Variants in CNOT1 observed in about 807,000 individuals in gnomAD.
The protein encoded by CNOT1 is CCR4-associated factor 1.
Under a neutral mutation model 273.8 loss-of-function variants are expected in CNOT1, and 15 were observed. The ratio of observed to expected loss-of-function variants is 0.05; its 90% CI spans 0.04 to 0.08. The LOEUF (loss-of-function observed/expected upper bound fraction) is 0.08, where lower values mean the gene tolerates loss of function less well. Among genes scored for constraint, CNOT1 ranks in the 10% least tolerant of loss-of-function variants. The pLI, the probability that CNOT1 is intolerant of heterozygous loss-of-function variation, is 1.00. For missense variants in CNOT1, 1,644 were observed against 2,912.2 expected, an observed-to-expected ratio of 0.56 and a Z score of 10.02; for synonymous variants, 1,022 against 1,005.5, an observed-to-expected ratio of 1.02 and a Z score of -0.31.
At chr16:58,575,736 T>C (rs1363788278) in intron 14 of CNOT1, among the ~76,000 whole-genome samples, 3 of 152,032 alleles carry the variant, frequency 2.0e-5, no homozygotes, top group Non-Finnish European at 4.4e-5. Context: ...GAGGCAGAGA[T>C]TGCAGTGAGC....
chr16:58,528,782 G>C, intron 43 of CNOT1, 134 bp from the exon 44 acceptor site: 1 of 580,744 alleles, frequency 1.7e-6, no homozygotes, highest in Non-Finnish European at 3.0e-6. Context: ...AAAGTTTTAG[G>C]CTTTAATTAA....
intron 21 of CNOT1, among the ~76,000 whole-genome samples, chr16:58,554,766 T>C (rs939269043): frequency 6.6e-6 from 1 of 151,204 alleles, no homozygotes; most frequent in Admixed American, 6.6e-5. Context: ...TGGAACCCTG[T>C]CTCTACTAAA....
In CNOT1 at chr16:58,536,873, G is replaced by A. The variant is rs925027935; in HGVS notation, c.5646+116C>T. 25 of 1,443,112 alleles carry A rather than the reference G, an allele frequency of 1.7e-5. No individual in the cohort carries two copies. The African/African-American group carries it at 1.9e-4, about 11-fold the overall frequency. 89.4% of individuals were successfully genotyped at this position (1,443,112 alleles called of 1,614,324 possible). A position where few individuals can be genotyped will look rare whatever the true frequency, so the allele number is the denominator to read the frequency against. ...CATATAATGATGACAGTTTGGGTTT[G>A]CATGAGTATGGAGGTAACTGTCTGA... On this transcript the variant is annotated intron_variant, in intron 39 of 48. Transcript: ENST00000317147.
At chr16:58,550,434 T>G (rs1345735832) in intron 24 of CNOT1, among the ~76,000 whole-genome samples, 1 of 152,226 alleles carries the variant, frequency 6.6e-6, no homozygotes, top group African/African-American at 2.4e-5. Context: ...AAATATAAAG[T>G]TAAAGACCTG....
chr16:58,584,632 T>C (rs1362867181), intron 8 of CNOT1, among the ~76,000 whole-genome samples: 2 of 150,300 alleles, frequency 1.3e-5, no homozygotes, highest in African/African-American at 5.0e-5. Flanking sequence ...GTGCCCAGCC[T>C]GCATCCTAAC....
Position 58,574,011 on chromosome 16 carries a change from G to A in CNOT1, c.1979+598C>T, listed in dbSNP as rs533286267. Among the ~76,000 whole-genome samples, 9 of 152,146 alleles carry A rather than the reference G, an allele frequency of 5.9e-5. No individual in the cohort carries two copies. The South Asian group carries it at 1.9e-3, about 32-fold the overall frequency. On this transcript the variant is annotated intron_variant, in intron 16 of 48. Transcript: ENST00000317147. The stretch of plus-strand genomic sequence containing the variant: ...CACACCTGTAATCCCAGCACTTTGG[G>A]AGGCTGTGGCAGGAGGATCACTTGA...
chr16:58,584,361 C>T (rs563563921), intron 8 of CNOT1, among the ~76,000 whole-genome samples: 7 of 151,856 alleles, frequency 4.6e-5, no homozygotes, highest in Non-Finnish European at 5.9e-5. Context: ...GACGAAGTCT[C>T]GCTTTGTTGC....
At position 58,535,429 on chromosome 16, in the gene CNOT1, A is replaced by T. The variant is rs572556829; in HGVS notation, c.5647-1034T>A. Among the ~76,000 whole-genome samples, 15 of 152,344 alleles carry T rather than the reference A, an allele frequency of 9.8e-5. No homozygotes were observed. In the East Asian group the frequency reaches 2.9e-3, roughly 29 times the overall value. ...CAAGAAGGAAAGAATTTTCAAAAGG[A>T]TACAAAACAGCACAGAAAAGTATAA... On this transcript the variant is annotated intron_variant, in intron 39 of 48. Transcript: ENST00000317147.
chr16:58,550,593 A>T (rs1039141502), intron 24 of CNOT1, among the ~76,000 whole-genome samples: 4 of 152,134 alleles, frequency 2.6e-5, no homozygotes, highest in African/African-American at 9.7e-5. Flanking sequence ...GATAGGTGTT[A>T]ATCAACTATT....
chr16:58,526,997 T>G (rs570342230), intron 44 of CNOT1, among the ~76,000 whole-genome samples: 1 of 151,834 alleles, frequency 6.6e-6, no homozygotes, highest in African/African-American at 2.4e-5. Flanking sequence ...CACCTGTGAA[T>G]AGTCACTGCC....
chr16:58,627,852 C>T (rs999616703), intron 1 of CNOT1, among the ~76,000 whole-genome samples: 3 of 151,922 alleles, frequency 2.0e-5, no homozygotes, highest in African/African-American at 7.3e-5. Context: ...TTTTTTGAGA[C>T]GGAGTCTCCC....
intron 42 of CNOT1, 80 bp downstream of exon 42, chr16:58,531,878 A>G: frequency 2.0e-6 from 3 of 1,497,496 alleles, no homozygotes; most frequent in Non-Finnish European, 2.7e-6. Context: ...TAAATGACTA[A>G]TAGAAATCTA....
At chr16:58,588,378 C>T (rs2041946342) in intron 3 of CNOT1, among the ~76,000 whole-genome samples, 1 of 152,024 alleles carries the variant, frequency 6.6e-6, no homozygotes, top group Non-Finnish European at 1.5e-5. Flanking sequence ...AAACTCATTA[C>T]ACTACTCAAA....
chr16:58,574,462 T>C (rs2041392898), intron 16 of CNOT1, 147 bp downstream of exon 16: 4 of 630,232 alleles, frequency 6.3e-6, no homozygotes, highest in Non-Finnish European at 9.7e-6. Flanking sequence ...ATCTAGTATG[T>C]ATCATAAATA....
At position 58,619,382 on chromosome 16, in the gene CNOT1, T is replaced by C. The variant is rs190979973; in HGVS notation, c.-175+10346A>G. Among the ~76,000 whole-genome samples the C allele has an allele frequency of 4.0e-3, 603 of 151,644 alleles. 3 individuals are homozygous for C. Among genetic ancestry groups the C allele is most frequent in the African/African-American group, 0.014 (562 of 40,994 alleles). On this transcript the variant is annotated intron_variant, in intron 1 of 48. Transcript: ENST00000317147. ...AATTTATTATTATTACACTGACCAT[T>C]AATTGTAAAAGAGCATCTTTTGGTC...
Position 58,541,745 on chromosome 16 carries a change from T to C in CNOT1, c.4681-125A>G, listed in dbSNP as rs2040100788. The C allele has an allele frequency of 4.7e-6, 4 of 858,084 alleles. No homozygotes were observed. In the South Asian group the frequency reaches 6.9e-5, roughly 15 times the overall value. The allele number at this position is 858,084 out of a possible 1,614,324, so 53.2% of individuals were successfully genotyped here. A position where few individuals can be genotyped will look rare whatever the true frequency, so the allele number is the denominator to read the frequency against. On this transcript the variant is annotated intron_variant, in intron 33 of 48. Coordinates refer to ENST00000317147, the MANE Select transcript of CNOT1 (RefSeq NM_016284.5). ...AGAGTCATTACAACATATAACAGCA[T>C]GATTAAGCATGCACGCACACACAAA...
In CNOT1 at chr16:58,601,734, T is replaced by TAAAAAAAAA. The variant is rs66711143; in HGVS notation, c.-174-2232_-174-2224dup. Among the ~76,000 whole-genome samples the TAAAAAAAAA allele has an allele frequency of 1.0e-3, 94 of 91,500 alleles. 7 individuals carry two copies. Among genetic ancestry groups the TAAAAAAAAA allele is most frequent in the African/African-American group, 2.6e-3 (66 of 25,642 alleles). 60.0% of individuals were successfully genotyped at this position (91,500 alleles called of 152,430 possible). ...ATATGCTAGTGCTCCATACCCACCT[T>TAAAAAAAAA]AAAAAAAAAAAAAAAAAAAAGCCTG... is the stretch of plus-strand genomic sequence containing the variant. On this transcript the variant is annotated intron_variant, in intron 1 of 48. Coordinates refer to ENST00000317147, the MANE Select transcript of CNOT1 (RefSeq NM_016284.5).
chr16:58,622,487 A>C (rs922741260), intron 1 of CNOT1, among the ~76,000 whole-genome samples: 5 of 152,104 alleles, frequency 3.3e-5, no homozygotes, highest in Non-Finnish European at 5.9e-5. Flanking sequence ...AAAAACGCAA[A>C]ACCTAGAAGC....
chr16:58,528,745 G>A (rs1597399413), intron 43 of CNOT1, 97 bp from the exon 44 acceptor site: 1 of 732,678 alleles, frequency 1.4e-6, no homozygotes, highest in East Asian at 2.7e-5. Context: ...TCAAAAGAAT[G>A]AAGTATACTT....
Sources: gnomAD v4.1 joint callset for allele counts (sites outside exome capture counted in the v4.1 genomes callset) on GRCh38, gnomAD v4.1.1 for gene constraint, MANE v1.5 for transcripts, NCBI Gene and HGNC (gene_info 2026-07-23, HGNC 2026-07-21) for gene names.